Variants in NELL1 observed in about 807,000 individuals in gnomAD.
NELL1 encodes protein kinase C-binding protein NELL1.
Under a neutral mutation model 107.4 loss-of-function variants are expected in NELL1, and 76 were observed. The observed-to-expected ratio is 0.71, with a 90% CI of 0.59 to 0.86. The LOEUF (loss-of-function observed/expected upper bound fraction) is 0.86, where lower values mean the gene tolerates loss of function less well. Among genes scored for constraint, NELL1 ranks in the 40% least tolerant of loss-of-function variants. The pLI is 0.00. For missense variants in NELL1, 1,024 were observed against 1,005.5 expected (o/e 1.02, Z -0.25); for synonymous variants, 353 against 341.2 (o/e 1.03, Z -0.38).
chr11:20,864,609 G>T (rs1008177034), intron 4 of NELL1, among the ~76,000 whole-genome samples: 5 of 152,188 alleles, frequency 3.3e-5, no homozygotes, highest in African/African-American at 1.2e-4. Context: ...GGTCAATCTT[G>T]TTGGCCTTCA....
At chr11:20,999,791 A>G (rs4644637) in intron 12 of NELL1, among the ~76,000 whole-genome samples, 43,570 of 151,272 alleles carry the variant, frequency 0.29, 8,881 homozygotes, top group African/African-American at 0.58. Context: ...CTTGATTTGA[A>G]TTTTCAGCTG....
At chr11:21,217,803 A>G (rs1857654115) in intron 13 of NELL1, among the ~76,000 whole-genome samples, 1 of 152,184 alleles carries the variant, frequency 6.6e-6, no homozygotes, top group South Asian at 2.1e-4. Context: ...GGGCATTTGT[A>G]GCCACAGTAG....
intron 2 of NELL1, among the ~76,000 whole-genome samples, chr11:20,783,312 A>G (rs1427188329): frequency 6.6e-6 from 1 of 152,118 alleles, no homozygotes; most frequent in Non-Finnish European, 1.5e-5. Context: ...CAGCAACCTA[A>G]TCTGTTTGCA....
intron 13 of NELL1, among the ~76,000 whole-genome samples, chr11:21,168,298 C>G (rs1340603395): frequency 6.6e-6 from 1 of 151,650 alleles, no homozygotes; most frequent in Non-Finnish European, 1.5e-5. Context: ...CTTTGGGTAT[C>G]CGTGACTATT....
At chr11:21,457,743 T>C (rs1475163203) in intron 15 of NELL1, among the ~76,000 whole-genome samples, 1 of 151,932 alleles carries the variant, frequency 6.6e-6, no homozygotes, top group Non-Finnish European at 1.5e-5. Flanking sequence ...TTAATGCAGA[T>C]TAAATAATCC....
At chr11:20,745,404 C>T (rs181491061) in intron 2 of NELL1, among the ~76,000 whole-genome samples, 1 of 152,278 alleles carries the variant, frequency 6.6e-6, no homozygotes, top group African/African-American at 2.4e-5. Context: ...GCAATCATAA[C>T]AGCAATCGAA....
intron 5 of NELL1, among the ~76,000 whole-genome samples, chr11:20,899,813 G>T (rs781608264): frequency 1.2e-4 from 19 of 152,084 alleles, no homozygotes; most frequent in Non-Finnish European, 2.6e-4. Flanking sequence ...GTAACCATTT[G>T]TTAACAACTT....
chr11:21,247,102 A>G lies in NELL1; in HGVS notation c.1549+17648A>G, dbSNP rs1200600913. Among the ~76,000 whole-genome samples, 119 of 152,294 alleles carry G rather than the reference A, an allele frequency of 7.8e-4. 1 individual carries two copies. The highest frequency in any genetic ancestry group is 1.3e-4 in the Non-Finnish European group (9 of 68,022). ...GGTACACCTATATAGGGCACTTACCATGACTGGAGCTTGCAGGACTGGAAG... is the reference window on the plus strand; with the variant it reads ...GGTACACCTATATAGGGCACTTACCGTGACTGGAGCTTGCAGGACTGGAAG... On this transcript the variant is annotated intron_variant, in intron 14 of 19. Coordinates refer to ENST00000357134, the MANE Select transcript of NELL1 (RefSeq NM_006157.5).
At chr11:21,331,778 C>G (rs555168664) in intron 14 of NELL1, among the ~76,000 whole-genome samples, 2 of 152,030 alleles carry the variant, frequency 1.3e-5, no homozygotes, top group Non-Finnish European at 2.9e-5. Context: ...CCAGTTCACT[C>G]TGATAAACTA....
intron 15 of NELL1, among the ~76,000 whole-genome samples, chr11:21,441,748 C>G (rs1052003686): frequency 4.0e-5 from 6 of 151,214 alleles, no homozygotes; most frequent in Non-Finnish European, 8.9e-5. Flanking sequence ...TTGATAAGGT[C>G]TGACATCAGT....
chr11:20,757,940 G>A (rs76740370), intron 2 of NELL1, among the ~76,000 whole-genome samples: 4,692 of 152,272 alleles, frequency 0.031, 254 homozygotes, highest in African/African-American at 0.11. Context: ...TCCAAGATTA[G>A]GGTTTCAGCA....
chr11:21,292,592 A>G (rs1300895937), intron 14 of NELL1, among the ~76,000 whole-genome samples: 1 of 152,194 alleles, frequency 6.6e-6, no homozygotes, highest in Non-Finnish European at 1.5e-5. Flanking sequence ...TAAATTTTAT[A>G]TGGAACCAAA....
At chr11:21,058,684 C>A (rs1039613065) in intron 12 of NELL1, among the ~76,000 whole-genome samples, 1 of 152,058 alleles carries the variant, frequency 6.6e-6, no homozygotes, top group Non-Finnish European at 1.5e-5. Flanking sequence ...AGTGCATTTT[C>A]TGTGGGTTTT....
At chr11:21,141,218 A>G (rs1855859325) in intron 13 of NELL1, among the ~76,000 whole-genome samples, 1 of 152,204 alleles carries the variant, frequency 6.6e-6, no homozygotes, top group Non-Finnish European at 1.5e-5. Context: ...TGAGATCTCA[A>G]GTGCAAAAGA....
At chr11:21,204,869 C>A (rs926273907) in intron 13 of NELL1, among the ~76,000 whole-genome samples, 1 of 152,154 alleles carries the variant, frequency 6.6e-6, no homozygotes, top group Non-Finnish European at 1.5e-5. Flanking sequence ...ACAGGCCCCT[C>A]TGCTGCAGGT....
chr11:20,732,889 G>A (rs182590219), intron 2 of NELL1, among the ~76,000 whole-genome samples: 20 of 152,218 alleles, frequency 1.3e-4, no homozygotes, highest in African/African-American at 4.6e-4. Flanking sequence ...TGAAATGCCA[G>A]GTACCATTCC....
chr11:21,150,831 G>T (rs1199075363), intron 13 of NELL1, among the ~76,000 whole-genome samples: 3 of 152,236 alleles, frequency 2.0e-5, no homozygotes, highest in African/African-American at 7.2e-5. Flanking sequence ...AAGAAAGGAG[G>T]TTTAATCAAC....
chr11:21,485,664 C>G (rs1257510054), intron 15 of NELL1, among the ~76,000 whole-genome samples: 2 of 151,810 alleles, frequency 1.3e-5, no homozygotes, highest in African/African-American at 2.4e-5. Flanking sequence ...CCCGCCCTCC[C>G]TGGAGGCCAG....
In NELL1 at chr11:21,534,362, T is replaced by C. The variant is rs1856074830; in HGVS notation, c.1646-12T>C. The stretch of plus-strand genomic sequence containing the variant: ...TAATATCCTGGTGGGCTTGTGTTTT[T>C]CTCTGAGGCAGATATTGATGAATGT... On this transcript the variant is annotated splice_polypyrimidine_tract_variant and intron_variant, in intron 15 of 19. Transcript: ENST00000357134. The C allele has an allele frequency of 1.9e-6, 3 of 1,613,694 alleles. No homozygotes were observed. The highest frequency in any genetic ancestry group is 2.2e-5 in the East Asian group (1 of 44,848).
Sources: allele counts gnomAD v4.1 joint callset (sites outside exome capture counted in the v4.1 genomes callset), GRCh38; gene constraint gnomAD v4.1.1; transcripts MANE v1.5; gene names NCBI Gene and HGNC (gene_info 2026-07-23, HGNC 2026-07-21).